Variants in ARCN1 observed in about 807,000 individuals in gnomAD.
ARCN1 encodes archain 1 coat protein complex I subunit delta.
Under a neutral mutation model 60.4 loss-of-function variants are expected in ARCN1, and 5 were observed. The observed-to-expected ratio is 0.08, with a 90% CI of 0.04 to 0.17. The LOEUF (loss-of-function observed/expected upper bound fraction) is 0.17, where lower values mean the gene tolerates loss of function less well. Ranked by LOEUF, ARCN1 falls within the 10% of genes least tolerant of loss-of-function variation. ARCN1 has a pLI of 1.00. For synonymous variants in ARCN1, 224 were observed against 220.0 expected (o/e 1.02, Z -0.16); for missense variants, 464 against 626.5 (o/e 0.74, Z 2.77).
rs1268492975 is a variant in ARCN1 at position 118,597,895 on chromosome 11, A to G, written c.1430A>G (p.Asn477Ser). 2.5e-6 allele frequency: 4 copies of G among 1,614,182 alleles called. No individual in the cohort carries two copies. The highest frequency in any genetic ancestry group is 2.2e-5 in the East Asian group (1 of 44,886). Residue 477 changes from asparagine (N) to serine (S), a missense_variant, in exon 9 of 10, where the codon AAT becomes AGT. By Grantham distance (46) the Asn-to-Ser change is conservative. Coordinates refer to ENST00000264028, the MANE Select transcript of ARCN1 (RefSeq NM_001655.5). ...PVQVSFVSKK[N>S]YCNIQVTKVT... ...CAAGTTTCCTTTGTCTCCAAGAAAA[A>G]TTACTGTAACATACAGGTACTCCAT...
intron 6 of ARCN1, among the ~76,000 whole-genome samples, chr11:118,590,747 A>C (rs1938886336): frequency 6.6e-6 from 1 of 152,258 alleles, no homozygotes; most frequent in Non-Finnish European, 1.5e-5. Flanking sequence ...TCGAAATCTA[A>C]TAAATGACTT....
chr11:118,578,814 G>A (rs1938581470), intron 1 of ARCN1, among the ~76,000 whole-genome samples: 1 of 150,272 alleles, frequency 6.7e-6, no homozygotes, highest in African/African-American at 2.5e-5. Flanking sequence ...AGGCTGAGGT[G>A]TGCGGATCAC....
At position 118,601,389 on chromosome 11, in the gene ARCN1, A is replaced by G. The variant is rs1555078108; in HGVS notation, c.*675A>G. Reference sequence around the variant, plus strand: ...TCCTTTATTTTAATCCCTAAATATAATCCCTAAATATAGTTATATTTCATA... The same window carrying G: ...TCCTTTATTTTAATCCCTAAATATAGTCCCTAAATATAGTTATATTTCATA... On this transcript the variant is annotated 3_prime_UTR_variant, in exon 10 of 10. Coordinates refer to ENST00000264028, the MANE Select transcript of ARCN1 (RefSeq NM_001655.5). 2 of 557,608 alleles carry G rather than the reference A, an allele frequency of 3.6e-6. No individual in the cohort carries two copies. Among genetic ancestry groups the G allele is most frequent in the South Asian group, 3.4e-5 (2 of 58,682 alleles). The allele number at this position is 557,608 out of a possible 1,614,324, so 34.5% of individuals were successfully genotyped here.
chr11:118,588,166 T>G (rs1335690806), intron 5 of ARCN1, among the ~76,000 whole-genome samples: 2 of 152,202 alleles, frequency 1.3e-5, no homozygotes, highest in African/African-American at 4.8e-5. Context: ...TTGACAGGCA[T>G]GCAGAAATGT....
Position 118,600,690 on chromosome 11 carries a change from A to G in ARCN1, c.1512A>G (p.Leu504=). ...PVRFSTETTF[L]VDKYEIL is the part of the protein sequence containing the mutation. ...GGTTTTCCACAGAGACCACTTTCCT[A>G]GTGGATAAGTATGAAATTCTGTAAT... The change falls in exon 10 of 10, where the codon CTA becomes CTG. Residue 504 remains leucine, a synonymous_variant. Coordinates refer to ENST00000264028, the MANE Select transcript of ARCN1 (RefSeq NM_001655.5). 1 of 1,611,580 alleles carries G rather than the reference A, an allele frequency of 6.2e-7. No homozygotes were observed. Among genetic ancestry groups the G allele is most frequent in the Non-Finnish European group, 8.5e-7 (1 of 1,178,872 alleles).
intron 9 of ARCN1, among the ~76,000 whole-genome samples, 182 bp downstream of exon 9, chr11:118,598,093 T>C (rs1939068920): frequency 6.6e-6 from 1 of 152,212 alleles, no homozygotes; most frequent in Non-Finnish European, 1.5e-5. Flanking sequence ...CTTTTATTGC[T>C]TTACCTCAGT....
chr11:118,589,569 C>T (rs1938851544), intron 5 of ARCN1, among the ~76,000 whole-genome samples: 3 of 152,110 alleles, frequency 2.0e-5, no homozygotes, highest in South Asian at 4.1e-4. Context: ...AGGCGCCCGT[C>T]ACCACACCCG....
At chr11:118,580,763 T>G (rs782616930) in intron 1 of ARCN1, among the ~76,000 whole-genome samples, 1 of 152,112 alleles carries the variant, frequency 6.6e-6, no homozygotes, top group Non-Finnish European at 1.5e-5. Context: ...CCTCAAGTAA[T>G]CCACTCGCTT....
In ARCN1 at chr11:118,585,126, GTTGTT is replaced by G. The variant is rs373943813; in HGVS notation, c.818+490_818+494del. 8.9e-4 allele frequency among the ~76,000 whole-genome samples: 135 copies of G among 151,868 alleles called. 3 individuals carry two copies. In the East Asian group the frequency reaches 0.012, roughly 13 times the overall value. On this transcript the variant is annotated intron_variant, in intron 5 of 9. Coordinates refer to ENST00000264028, the MANE Select transcript of ARCN1 (RefSeq NM_001655.5). ...CAGGCGTGAGCCACCACGCCCGGCT[GTTGTT>G]TTGTTTTATTTTTTTGAGACAGGGT...
chr11:118,575,270 G>A (rs542733107), intron 1 of ARCN1, among the ~76,000 whole-genome samples: 17 of 152,252 alleles, frequency 1.1e-4, no homozygotes, highest in African/African-American at 3.6e-4. Flanking sequence ...GAGCCATGGC[G>A]CCCGGCCCCT....
Position 118,581,919 on chromosome 11 carries a change from G to GAGAC in ARCN1, c.267+428_267+431dup, listed in dbSNP as rs1206415299. ...GACTTAGGTAAGACTTACTGATCCAGAGACAGACAGACAGACAGACACACA... is the reference window on the plus strand; with the variant it reads ...GACTTAGGTAAGACTTACTGATCCAGAGACAGACAGACAGACAGACAGACACACA... On this transcript the variant is annotated intron_variant, in intron 2 of 9. Coordinates refer to ENST00000264028, the MANE Select transcript of ARCN1 (RefSeq NM_001655.5). Among the ~76,000 whole-genome samples the GAGAC allele has an allele frequency of 1.2e-3, 146 of 123,538 alleles. 2 individuals carry two copies. Among genetic ancestry groups the GAGAC allele is most frequent in the African/African-American group, 3.7e-3 (136 of 37,100 alleles). 81.0% of individuals were successfully genotyped at this position (123,538 alleles called of 152,430 possible).
intron 9 of ARCN1, among the ~76,000 whole-genome samples, chr11:118,600,103 C>T (rs1400993644): frequency 6.6e-6 from 1 of 152,084 alleles, no homozygotes; most frequent in Non-Finnish European, 1.5e-5. Flanking sequence ...GTTATAGGTA[C>T]CATTGTTACA....
intron 5 of ARCN1, among the ~76,000 whole-genome samples, chr11:118,587,372 A>G (rs150822936): frequency 1.3e-5 from 2 of 152,320 alleles, no homozygotes; most frequent in East Asian, 3.9e-4. Flanking sequence ...AAACATGTAT[A>G]CAGTGTGTCT....
Position 118,593,893 on chromosome 11 carries a change from A to G in ARCN1, c.1241+195A>G. The G allele has an allele frequency of 7.0e-6, 3 of 429,200 alleles. No individual in the cohort carries two copies. The East Asian group carries it at 1.2e-4, about 17-fold the overall frequency. 26.6% of individuals were successfully genotyped at this position (429,200 alleles called of 1,614,324 possible). A position where few individuals can be genotyped will look rare whatever the true frequency, so the allele number is the denominator to read the frequency against. ...TCTTTGTCTTTCTGGAAAAGGTAATACTATTGAATAAAAATGAGGAGGTAG... is the reference window on the plus strand; with the variant it reads ...TCTTTGTCTTTCTGGAAAAGGTAATGCTATTGAATAAAAATGAGGAGGTAG... On this transcript the variant is annotated intron_variant, in intron 8 of 9. Coordinates refer to ENST00000264028, the MANE Select transcript of ARCN1 (RefSeq NM_001655.5).
In ARCN1 at chr11:118,581,629, G is replaced by A. The variant is rs969316162; in HGVS notation, c.267+120G>A. ...GCAGGTTCCTACTCCGCACCCCAGC[G>A]ACTTATTGCTGCAGCACCTTGTTTA... On this transcript the variant is annotated intron_variant, in intron 2 of 9. Transcript: ENST00000264028. The A allele has an allele frequency of 4.0e-5, 38 of 956,858 alleles. No homozygotes were observed. In the African/African-American group the frequency reaches 4.3e-4, roughly 11 times the overall value. 59.3% of individuals were successfully genotyped at this position (956,858 alleles called of 1,614,324 possible). A position where few individuals can be genotyped will look rare whatever the true frequency, so the allele number is the denominator to read the frequency against.
chr11:118,589,552 C>T (rs1392582913), intron 5 of ARCN1, among the ~76,000 whole-genome samples: 3 of 152,086 alleles, frequency 2.0e-5, no homozygotes, highest in African/African-American at 7.2e-5. Context: ...ACCTCAGCCT[C>T]CTGAGTAGGC....
intron 2 of ARCN1, among the ~76,000 whole-genome samples, chr11:118,581,955 C>T (rs976128536): frequency 6.6e-6 from 1 of 151,102 alleles, no homozygotes; most frequent in African/African-American, 2.4e-5. Flanking sequence ...CACACACACA[C>T]ACACACACAC....
chr11:118,597,657 G>A (rs1555077400), intron 8 of ARCN1, 50 bp from the exon 9 acceptor site: 2 of 1,590,550 alleles, frequency 1.3e-6, no homozygotes, highest in African/African-American at 1.3e-5. Context: ...TTTCCGTGGT[G>A]GAGTTCTAGC....
intron 2 of ARCN1, among the ~76,000 whole-genome samples, chr11:118,582,115 G>A (rs1555074736): frequency 6.6e-6 from 1 of 152,096 alleles, no homozygotes; most frequent in African/African-American, 2.4e-5. Context: ...TTATACTTTA[G>A]TGTGGGCAAC....
Sources: gnomAD v4.1 joint callset for allele counts (sites outside exome capture counted in the v4.1 genomes callset) on GRCh38, gnomAD v4.1.1 for gene constraint, MANE v1.5 for transcripts, NCBI Gene and HGNC (gene_info 2026-07-23, HGNC 2026-07-21) for gene names.